The following PPP1R12A variants were observed in gnomAD, a reference collection of about 807,000 sequenced individuals.
PPP1R12A encodes myosin binding subunit.
A neutral mutation model predicts 139.6 loss-of-function variants in PPP1R12A; 19 were observed. The observed-to-expected ratio is 0.14, with a 90% CI of 0.09 to 0.20. The LOEUF (loss-of-function observed/expected upper bound fraction) is 0.20. Among genes scored for constraint, PPP1R12A ranks in the 10% least tolerant of loss-of-function variants. PPP1R12A has a pLI of 1.00. For synonymous variants in PPP1R12A, 427 were observed against 420.6 expected (o/e 1.02, Z -0.19); for missense variants, 925 against 1,211.5 (o/e 0.76, Z 3.51).
At chr12:79,776,246 T>C (rs889413428) in intron 24 of PPP1R12A, among the ~76,000 whole-genome samples, 2 of 152,080 alleles carry the variant, frequency 1.3e-5, no homozygotes, top group Admixed American at 1.3e-4. Context: ...CTCTCCAAAT[T>C]TTCCATTGAA....
intron 1 of PPP1R12A, among the ~76,000 whole-genome samples, chr12:79,921,497 C>T (rs907783754): frequency 1.3e-5 from 2 of 152,170 alleles, no homozygotes; most frequent in African/African-American, 4.8e-5. Flanking sequence ...TTACCTATAA[C>T]TTACAGAGCT....
At chr12:79,921,002 G>T (rs898639511) in intron 1 of PPP1R12A, among the ~76,000 whole-genome samples, 6 of 152,124 alleles carry the variant, frequency 3.9e-5, no homozygotes, top group Admixed American at 3.3e-4. Context: ...CTCATTGTGG[G>T]TTTGATTTGC....
intron 4 of PPP1R12A, among the ~76,000 whole-genome samples, chr12:79,829,790 C>A (rs1395343513): frequency 6.6e-6 from 1 of 151,710 alleles, no homozygotes; most frequent in Non-Finnish European, 1.5e-5. Flanking sequence ...ATATGCTGAG[C>A]AACATTTTTA....
chr12:79,799,662 T>G (rs369485906), intron 14 of PPP1R12A, among the ~76,000 whole-genome samples: 1 of 152,224 alleles, frequency 6.6e-6, no homozygotes, highest in Non-Finnish European at 1.5e-5. Context: ...TTTAAGCCTA[T>G]GTTTCCTCTT....
At chr12:79,860,241 A>C (rs1881166946) in intron 2 of PPP1R12A, among the ~76,000 whole-genome samples, 1 of 152,256 alleles carries the variant, frequency 6.6e-6, no homozygotes, top group Admixed American at 6.5e-5. Context: ...AATGTTAATC[A>C]TTCCATTTTC....
intron 1 of PPP1R12A, among the ~76,000 whole-genome samples, chr12:79,933,078 T>C (rs1255966636): frequency 6.6e-6 from 1 of 152,198 alleles, no homozygotes. Context: ...CTCAACACCA[T>C]GGTTTTAAAA....
At chr12:79,922,076 C>T (rs1206406043) in intron 1 of PPP1R12A, among the ~76,000 whole-genome samples, 2 of 152,118 alleles carry the variant, frequency 1.3e-5, no homozygotes, top group African/African-American at 4.8e-5. Context: ...CACAGCAAAA[C>T]CTTGTCTCTA....
intron 2 of PPP1R12A, among the ~76,000 whole-genome samples, chr12:79,850,527 A>G (rs1443391862): frequency 6.6e-6 from 1 of 152,266 alleles, no homozygotes; most frequent in East Asian, 1.9e-4. Context: ...TCTTTAAACC[A>G]GAAGCTAATG....
chr12:79,899,233 AATATATATATATATATATATATATAT>A (rs58319454), intron 1 of PPP1R12A, among the ~76,000 whole-genome samples: 15,093 of 141,696 alleles, frequency 0.11, 1,474 homozygotes, highest in African/African-American at 0.26. Flanking sequence ...AGATCTTAAA[AATATATATATATATATATATATATAT>A]ATATATATAT....
Position 79,908,695 on chromosome 12 carries a change from T to C in PPP1R12A, c.237+26000A>G, listed in dbSNP as rs887211067. On this transcript the variant is annotated intron_variant, in intron 1 of 24. Transcript: ENST00000450142. ...AACATTTTAAAGAAGTTAATGGAAA[T>C]ATAAAATACTAACAGAAGACCTGTG... Among the ~76,000 whole-genome samples, 5 of 152,358 alleles carry C rather than the reference T, an allele frequency of 3.3e-5. No homozygotes were observed. In the East Asian group the frequency reaches 9.6e-4, roughly 29 times the overall value.
chr12:79,923,358 G>T (rs887954410), intron 1 of PPP1R12A, among the ~76,000 whole-genome samples: 5 of 152,188 alleles, frequency 3.3e-5, no homozygotes, highest in Non-Finnish European at 1.5e-5. Context: ...TGTTCATCAG[G>T]AAAGGACTAG....
intron 17 of PPP1R12A, 140 bp downstream of exon 17, chr12:79,796,642 C>G (rs1020457887): frequency 1.6e-6 from 1 of 621,986 alleles, no homozygotes; most frequent in African/African-American, 1.9e-5. Context: ...TCATTCTCAA[C>G]CTTCATATTC....
Position 79,934,900 on chromosome 12 carries a change from T to C in PPP1R12A, c.32A>G (p.Asn11Ser). The C allele has an allele frequency of 6.2e-7, 1 of 1,606,378 alleles. No individual in the cohort carries two copies. The highest frequency in any genetic ancestry group is 8.5e-7 in the Non-Finnish European group (1 of 1,176,412). The change falls in exon 1 of 25, where the codon AAC becomes AGC. Residue 11 changes from asparagine (N) to serine (S), a missense_variant. Physicochemically the swap from Asn to Ser is conservative, Grantham distance 46. Coordinates refer to ENST00000450142, the MANE Select transcript of PPP1R12A (RefSeq NM_002480.3). ...GCCGATCCAGCGTTTCAGCTGCTCG[T>C]TCCGCTTCTGCTTCGCGTCCGCCAT... MKMADAKQKRNEQLKRWIGSE... is the reference protein window; with the variant it reads MKMADAKQKRSEQLKRWIGSE...
intron 5 of PPP1R12A, among the ~76,000 whole-genome samples, chr12:79,826,276 A>T: frequency 6.6e-6 from 1 of 151,250 alleles, no homozygotes; most frequent in South Asian, 2.1e-4. Flanking sequence ...ATTAGGTAAT[A>T]TGTGTAAAAA....
In PPP1R12A at chr12:79,781,847, C is replaced by T. The variant is rs1870486317; in HGVS notation, c.2923G>A (p.Ala975Thr). 36 of 1,543,460 alleles carry T rather than the reference C, an allele frequency of 2.3e-5. No individual in the cohort carries two copies. The highest frequency in any genetic ancestry group is 3.1e-5 in the Non-Finnish European group (35 of 1,140,868). ...EKATQRQERF[A>T]DRSLLEMEKR... is the part of the protein sequence containing the mutation. ...TCCATTTCCAACAGTGATCTATCAG[C>T]AAATCTTTCTTGTCTCTGCAACAAA... The change falls in exon 23 of 25, where the codon GCT becomes ACT. Residue 975 changes from alanine to threonine, a missense_variant. Physicochemically the swap from Ala to Thr is moderately conservative, Grantham distance 58. Transcript: ENST00000450142.
Position 79,872,864 on chromosome 12 carries a change from A to C in PPP1R12A, c.312T>G (p.Asn104Lys), listed in dbSNP as rs1422827553. 2 of 1,613,608 alleles carry C rather than the reference A, an allele frequency of 1.2e-6. No homozygotes were observed. The highest frequency in any genetic ancestry group is 1.7e-6 in the Non-Finnish European group (2 of 1,179,660). The change falls in exon 2 of 25, where the codon AAT becomes AAG. Residue 104 changes from asparagine to lysine, a missense_variant. Asn to Lys is a moderately conservative substitution (Grantham distance 94). Coordinates refer to ENST00000450142, the MANE Select transcript of PPP1R12A (RefSeq NM_002480.3). ...ENGANINQPD[N>K]EGWIPLHAAA... Reference sequence around the variant, plus strand: ...CTGCATGTAGTGGTATCCAGCCTTCATTATCAGGTTGATTAATATTTGCTC... The same window carrying C: ...CTGCATGTAGTGGTATCCAGCCTTCCTTATCAGGTTGATTAATATTTGCTC...
chr12:79,838,834 G>A (rs1409125269), intron 3 of PPP1R12A, among the ~76,000 whole-genome samples: 1 of 152,206 alleles, frequency 6.6e-6, no homozygotes, highest in Non-Finnish European at 1.5e-5. Flanking sequence ...CCCTCATGGA[G>A]AACTTCTGCT....
rs1342288968 is a variant in PPP1R12A at position 79,935,027 on chromosome 12, T to A, written c.-96A>T. Reference sequence around the variant, plus strand: ...GGCAGGGGGTGTGTGAATGTTTCTATGAGTGCGGGCCAGAGGAGGGCTGGG... The same window carrying A: ...GGCAGGGGGTGTGTGAATGTTTCTAAGAGTGCGGGCCAGAGGAGGGCTGGG... On this transcript the variant is annotated 5_prime_UTR_variant, in exon 1 of 25. Coordinates refer to ENST00000450142, the MANE Select transcript of PPP1R12A (RefSeq NM_002480.3). 6.8e-7 allele frequency: 1 copy of A among 1,465,684 alleles called. No homozygotes were observed. The highest frequency in any genetic ancestry group is 9.0e-7 in the Non-Finnish European group (1 of 1,107,596). 90.8% of individuals were successfully genotyped at this position (1,465,684 alleles called of 1,614,324 possible).
chr12:79,926,399 C>A (rs1039899371), intron 1 of PPP1R12A, among the ~76,000 whole-genome samples: 1 of 152,050 alleles, frequency 6.6e-6, no homozygotes, highest in Admixed American at 6.5e-5. Context: ...CCATGTTGGC[C>A]AGGTTGATCT....
Sources: gnomAD v4.1 joint callset for allele counts (sites outside exome capture counted in the v4.1 genomes callset) on GRCh38, gnomAD v4.1.1 for gene constraint, MANE v1.5 for transcripts, NCBI Gene and HGNC (gene_info 2026-07-23, HGNC 2026-07-21) for gene names.